The following RASAL2 variants were observed in gnomAD, a reference collection of about 807,000 sequenced individuals.
The protein encoded by RASAL2 is ras GTPase-activating protein nGAP.
In RASAL2, 58 loss-of-function variants were observed where a neutral mutation model predicts 128.9. The ratio of observed to expected loss-of-function variants is 0.45; its 90% CI spans 0.36 to 0.56. The LOEUF is 0.56. RASAL2 is among the 20% of genes least tolerant of loss of function. RASAL2 has a pLI of 0.00. For missense variants in RASAL2, 1,360 were observed against 1,601.6 expected, an observed-to-expected ratio of 0.85 and a Z score of 2.57; for synonymous variants, 561 against 580.8, an observed-to-expected ratio of 0.97 and a Z score of 0.49.
chr1:178,206,886 T>C (rs1173358033), intron 1 of RASAL2, among the ~76,000 whole-genome samples: 1 of 152,108 alleles, frequency 6.6e-6, no homozygotes, highest in Non-Finnish European at 1.5e-5. Flanking sequence ...TTAAAAGTAA[T>C]GATCTCAGCC....
At chr1:178,301,749 A>G (rs189524317) in intron 3 of RASAL2, among the ~76,000 whole-genome samples, 11 of 152,282 alleles carry the variant, frequency 7.2e-5, no homozygotes, top group African/African-American at 2.4e-4. Flanking sequence ...TGTCTTTACC[A>G]ATTTTCTAGG....
At chr1:178,313,554 G>A (rs1354659896) in intron 3 of RASAL2, among the ~76,000 whole-genome samples, 1 of 151,662 alleles carries the variant, frequency 6.6e-6, no homozygotes, top group Non-Finnish European at 1.5e-5. Flanking sequence ...GCAGTGGCAT[G>A]ATCACAGCTC....
chr1:178,208,040 A>G (rs1663117714), intron 1 of RASAL2, among the ~76,000 whole-genome samples: 1 of 152,168 alleles, frequency 6.6e-6, no homozygotes. Context: ...TTAATCTCTT[A>G]ATCCTGTTAT....
intron 1 of RASAL2, among the ~76,000 whole-genome samples, chr1:178,251,930 A>G (rs1370937854): frequency 6.6e-6 from 1 of 152,234 alleles, no homozygotes; most frequent in African/African-American, 2.4e-5. Flanking sequence ...CTAAATGTTT[A>G]TATATAAGTC....
chr1:178,284,601 A>G (rs970603675), intron 2 of RASAL2, among the ~76,000 whole-genome samples: 2 of 152,098 alleles, frequency 1.3e-5, no homozygotes, highest in Admixed American at 1.3e-4. Flanking sequence ...TATTCCTCAA[A>G]CTGTTACAGT....
intron 1 of RASAL2, among the ~76,000 whole-genome samples, chr1:178,197,846 C>G (rs540125258): frequency 6.6e-6 from 1 of 152,070 alleles, no homozygotes; most frequent in Non-Finnish European, 1.5e-5. Context: ...CTATCCTTCC[C>G]CCATTCCCCC....
chr1:178,434,937 C>T (rs576931918), intron 5 of RASAL2, among the ~76,000 whole-genome samples: 7 of 151,976 alleles, frequency 4.6e-5, no homozygotes, highest in Admixed American at 1.3e-4. Flanking sequence ...TTTTAAAAAA[C>T]TGATTAGACA....
At position 178,163,978 on chromosome 1, in the gene RASAL2, T is replaced by C. The variant is rs138442965; in HGVS notation, c.202+69284T>C. On this transcript the variant is annotated intron_variant, in intron 1 of 17. Transcript: ENST00000367649. ...CTTCAGGATACAAGTCTTTCACTTA[T>C]GTTGTTTATTCCTAAGTATTTTATT... 3.1e-3 allele frequency among the ~76,000 whole-genome samples: 471 copies of C among 152,330 alleles called. 3 individuals are homozygous for C. The highest frequency in any genetic ancestry group is 9.7e-3 in the African/African-American group (403 of 41,588).
intron 8 of RASAL2, 50 bp from the exon 9 acceptor site, chr1:178,445,468 T>C: frequency 6.4e-7 from 1 of 1,573,916 alleles, no homozygotes; most frequent in Non-Finnish European, 8.7e-7. Flanking sequence ...TCTTCTAATG[T>C]GTATTATTTA....
In RASAL2 at chr1:178,445,635, G is replaced by A; in HGVS notation, c.1600G>A (p.Gly534Arg). Residue 534 changes from glycine (G) to arginine (R), a missense_variant, in exon 9 of 18, where the codon GGA becomes AGA. Gly to Arg is a moderately radical substitution (Grantham distance 125). Coordinates refer to ENST00000367649, the MANE Select transcript of RASAL2 (RefSeq NM_170692.4). ...CATTGAGGAATACCTCAAGTTGGTG[G>A]GACAACAGTATCTTCATGACGCACT... ...KSIEEYLKLV[G>R]QQYLHDALGE... is the part of the protein sequence containing the mutation. The A allele has an allele frequency of 6.2e-7, 1 of 1,612,696 alleles. No individual in the cohort carries two copies. Among genetic ancestry groups the A allele is most frequent in the East Asian group, 2.2e-5 (1 of 44,822 alleles).
chr1:178,402,636 G>A (rs936289321), intron 4 of RASAL2, among the ~76,000 whole-genome samples: 4 of 152,044 alleles, frequency 2.6e-5, no homozygotes, highest in Admixed American at 1.3e-4. Flanking sequence ...CCTGATAGAC[G>A]TTAGTAAAGA....
chr1:178,122,838 A>T (rs538699555), intron 1 of RASAL2, among the ~76,000 whole-genome samples: 1 of 141,578 alleles, frequency 7.1e-6, no homozygotes, highest in African/African-American at 2.6e-5. Context: ...CTTACTTTCC[A>T]TTTTTTTTTT....
intron 9 of RASAL2, among the ~76,000 whole-genome samples, chr1:178,447,973 C>T (rs1677125948): frequency 6.6e-6 from 1 of 152,014 alleles, no homozygotes; most frequent in Admixed American, 6.6e-5. Flanking sequence ...ATTTGAAGTT[C>T]TAGTAGGAAA....
chr1:178,350,324 G>A lies in RASAL2; in HGVS notation c.458-39776G>A, dbSNP rs918356425. ...CAGCCTCAACCTCCTGGGTTCAAGCGATCCTCTCGCCTCAGCCCCCCGAGT... is the reference window on the plus strand; with the variant it reads ...CAGCCTCAACCTCCTGGGTTCAAGCAATCCTCTCGCCTCAGCCCCCCGAGT... On this transcript the variant is annotated intron_variant, in intron 3 of 17. Coordinates refer to ENST00000367649, the MANE Select transcript of RASAL2 (RefSeq NM_170692.4). Among the ~76,000 whole-genome samples the A allele has an allele frequency of 3.9e-5, 6 of 152,146 alleles. No individual in the cohort carries two copies. In the South Asian group the frequency reaches 6.2e-4, roughly 16 times the overall value.
intron 5 of RASAL2, among the ~76,000 whole-genome samples, chr1:178,426,983 T>C (rs1675556341): frequency 6.6e-6 from 1 of 151,940 alleles, no homozygotes; most frequent in African/African-American, 2.4e-5. Context: ...GAAGATATAA[T>C]GAGGGCTCCA....
chr1:178,358,213 G>A (rs1172486641), intron 3 of RASAL2, among the ~76,000 whole-genome samples: 9 of 125,820 alleles, frequency 7.2e-5, no homozygotes, highest in South Asian at 5.4e-4. Flanking sequence ...TCCAGCCTCC[G>A]TGACAGAGTG....
At position 178,474,884 on chromosome 1, in the gene RASAL2, T is replaced by C. The variant is rs1437759122; in HGVS notation, c.*1645T>C. 6.6e-6 allele frequency: 1 copy of C among 152,140 alleles called. No individual in the cohort carries two copies. Among genetic ancestry groups the C allele is most frequent in the Non-Finnish European group, 1.5e-5 (1 of 68,024 alleles). 9.4% of individuals were successfully genotyped at this position (152,140 alleles called of 1,614,324 possible). ...TTGATGTTGATTTTAAATTATAAGCTTTAAAGAATTTTTTTTCTAGAAAAA... is the reference window on the plus strand; with the variant it reads ...TTGATGTTGATTTTAAATTATAAGCCTTAAAGAATTTTTTTTCTAGAAAAA... On this transcript the variant is annotated 3_prime_UTR_variant, in exon 18 of 18. Transcript: ENST00000367649.
intron 17 of RASAL2, among the ~76,000 whole-genome samples, chr1:178,471,382 T>A (rs889169728): frequency 1.3e-5 from 2 of 152,174 alleles, no homozygotes; most frequent in South Asian, 4.1e-4. Context: ...CCAGTAAACT[T>A]CATTGGTTAA....
At chr1:178,198,703 G>T (rs932675865) in intron 1 of RASAL2, among the ~76,000 whole-genome samples, 1 of 152,274 alleles carries the variant, frequency 6.6e-6, no homozygotes, top group East Asian at 1.9e-4. Context: ...TCTCAGAGGG[G>T]CACCTGGTTG....
Sources: allele counts gnomAD v4.1 joint callset (sites outside exome capture counted in the v4.1 genomes callset), GRCh38; gene constraint gnomAD v4.1.1; transcripts MANE v1.5; gene names NCBI Gene and HGNC (gene_info 2026-07-23, HGNC 2026-07-21).